The following LYPLAL1 variants were observed in gnomAD, a reference collection of about 807,000 sequenced individuals.
The protein encoded by LYPLAL1 is lysophospholipase-like protein 1.
A neutral mutation model predicts 19.7 loss-of-function variants in LYPLAL1; 23 were observed. That is an observed-to-expected ratio of 1.17 (90% CI 0.84 to 1.65). The LOEUF (loss-of-function observed/expected upper bound fraction) is 1.65, where lower values mean the gene tolerates loss of function less well. Ranked by LOEUF, LYPLAL1 falls within the 40% of genes most tolerant of loss-of-function variation. The pLI, the probability that LYPLAL1 is intolerant of heterozygous loss-of-function variation, is 0.00. For missense variants in LYPLAL1, 355 were observed against 279.4 expected (o/e 1.27, Z -1.93); for synonymous variants, 119 against 96.3 (o/e 1.24, Z -1.38).
At chr1:219,230,454 A>T in the LYPLAL1 span, among the ~76,000 whole-genome samples, 1 of 152,236 alleles carries the variant, frequency 6.6e-6, no homozygotes, top group South Asian at 2.1e-4. Flanking sequence ...AAGTCAATTC[A>T]TTGGTCAAGA....
At chr1:219,250,546 T>C in the LYPLAL1 span, among the ~76,000 whole-genome samples, 1 of 151,836 alleles carries the variant, frequency 6.6e-6, no homozygotes, top group South Asian at 2.1e-4. Context: ...TTGTACATAT[T>C]ATTTCATCAG....
chr1:219,444,037 T>G, the LYPLAL1 span, among the ~76,000 whole-genome samples: 2 of 152,082 alleles, frequency 1.3e-5, no homozygotes, highest in African/African-American at 4.8e-5. Flanking sequence ...ACATGCAAAG[T>G]CCACACACAC....
chr1:219,175,113 T>C, intron 1 of LYPLAL1: 2 of 985,082 alleles, frequency 2.0e-6, no homozygotes, highest in Middle Eastern at 5.2e-4. Flanking sequence ...TTCTCTTTAT[T>C]TTGAAAATGA....
the LYPLAL1 span, among the ~76,000 whole-genome samples, chr1:219,249,172 A>G: frequency 6.6e-6 from 1 of 151,860 alleles, no homozygotes; most frequent in Non-Finnish European, 1.5e-5. Flanking sequence ...CTTCTCATCT[A>G]TTTCATTCCT....
At chr1:219,262,522 G>T in the LYPLAL1 span, among the ~76,000 whole-genome samples, 3 of 152,218 alleles carry the variant, frequency 2.0e-5, no homozygotes, top group East Asian at 5.8e-4. Context: ...TGTACAATAG[G>T]GTGATCCCTT....
the LYPLAL1 span, among the ~76,000 whole-genome samples, chr1:219,397,576 G>A: frequency 1.8e-4 from 27 of 152,178 alleles, no homozygotes; most frequent in Admixed American, 6.5e-5. Flanking sequence ...ATTGATATGT[G>A]TGGATTTGAT....
chr1:219,374,031 A>G, the LYPLAL1 span, among the ~76,000 whole-genome samples: 22 of 152,214 alleles, frequency 1.4e-4, no homozygotes, highest in Non-Finnish European at 2.4e-4. Context: ...CTGAAACTCC[A>G]AATAGTGGCT....
At chr1:219,363,227 C>T in the LYPLAL1 span, among the ~76,000 whole-genome samples, 2 of 152,088 alleles carry the variant, frequency 1.3e-5, no homozygotes, top group Non-Finnish European at 2.9e-5. Flanking sequence ...AATGTCTATT[C>T]CCTGCTTCCT....
chr1:219,190,790 A>C (rs1287911801), intron 2 of LYPLAL1, among the ~76,000 whole-genome samples: 2 of 151,660 alleles, frequency 1.3e-5, no homozygotes, highest in Non-Finnish European at 3.0e-5. Flanking sequence ...AAAAAATAAT[A>C]GCAAATGACA....
chr1:219,326,103 G>A, the LYPLAL1 span, among the ~76,000 whole-genome samples: 381 of 152,018 alleles, frequency 2.5e-3, 2 homozygotes, highest in African/African-American at 8.7e-3. Context: ...TAGTAGAGGC[G>A]GGGTTTCACC....
At chr1:219,439,583 A>C in the LYPLAL1 span, among the ~76,000 whole-genome samples, 1 of 152,128 alleles carries the variant, frequency 6.6e-6, no homozygotes, top group Non-Finnish European at 1.5e-5. Flanking sequence ...CCACAATATT[A>C]GATATATCAA....
chr1:219,266,739 T>C, the LYPLAL1 span, among the ~76,000 whole-genome samples: 1 of 152,172 alleles, frequency 6.6e-6, no homozygotes, highest in African/African-American at 2.4e-5. Context: ...CTGAGTCACT[T>C]AAGGATAGGG....
the LYPLAL1 span, among the ~76,000 whole-genome samples, chr1:219,245,823 G>A: frequency 6.6e-6 from 1 of 152,132 alleles, no homozygotes; most frequent in Admixed American, 6.5e-5. Context: ...TAGGCCTGGA[G>A]TTACTTTGAT....
chr1:219,357,614 G>A, the LYPLAL1 span, among the ~76,000 whole-genome samples: 43 of 152,222 alleles, frequency 2.8e-4, no homozygotes, highest in Middle Eastern at 6.8e-3. Context: ...TGGACCCAAG[G>A]CACCATTTTG....
chr1:219,262,985 T>G, the LYPLAL1 span, among the ~76,000 whole-genome samples: 1 of 152,158 alleles, frequency 6.6e-6, no homozygotes, highest in Admixed American at 6.5e-5. Context: ...GGTGGCACTT[T>G]CAAGAGAGCA....
intron 2 of LYPLAL1, among the ~76,000 whole-genome samples, chr1:219,190,068 T>C (rs139369126): frequency 1.8e-4 from 28 of 151,694 alleles, no homozygotes; most frequent in African/African-American, 6.5e-4. Flanking sequence ...ACTTAATAGA[T>C]AAAGAGATTA....
chr1:219,184,189 T>C (rs1358340156), intron 2 of LYPLAL1, among the ~76,000 whole-genome samples: 1 of 151,942 alleles, frequency 6.6e-6, no homozygotes, highest in African/African-American at 2.4e-5. Context: ...TCTCACCATT[T>C]ACTTAGGTCT....
the LYPLAL1 span, among the ~76,000 whole-genome samples, chr1:219,263,835 G>A: frequency 1.3e-5 from 2 of 152,270 alleles, no homozygotes; most frequent in Non-Finnish European, 2.9e-5. Flanking sequence ...GTGTTCAGAG[G>A]CATATTTTCC....
chr1:219,386,901 C>G, the LYPLAL1 span, among the ~76,000 whole-genome samples: 1 of 152,194 alleles, frequency 6.6e-6, no homozygotes, highest in Admixed American at 6.5e-5. Context: ...TAACCATCAT[C>G]ACTAGCCTAA....
Sources: gnomAD v4.1 joint callset for allele counts (sites outside exome capture counted in the v4.1 genomes callset) on GRCh38, gnomAD v4.1.1 for gene constraint, MANE v1.5 for transcripts, NCBI Gene and HGNC (gene_info 2026-07-23, HGNC 2026-07-21) for gene names.